The following LOC128462377 variants were observed in gnomAD, a reference collection of about 807,000 sequenced individuals.
At chr16:89,328,152 G>A in the LOC128462377 span, among the ~76,000 whole-genome samples, 6 of 151,962 alleles carry the variant, frequency 3.9e-5, no homozygotes, top group African/African-American at 1.4e-4. Flanking sequence ...GCCGCAATGA[G>A]ATATTACTGC....
the LOC128462377 span, among the ~76,000 whole-genome samples, chr16:89,390,222 G>T: frequency 8.3e-6 from 1 of 120,968 alleles, no homozygotes; most frequent in African/African-American, 3.1e-5. Flanking sequence ...GAGTGTGGCG[G>T]GGAGCACCGA....
the LOC128462377 span, among the ~76,000 whole-genome samples, chr16:89,406,700 G>C: frequency 6.6e-6 from 1 of 152,164 alleles, no homozygotes; most frequent in East Asian, 1.9e-4. Context: ...AGGAAGGACA[G>C]ACTTCTGAAG....
chr16:89,380,844 G>A, the LOC128462377 span, among the ~76,000 whole-genome samples: 9 of 152,296 alleles, frequency 5.9e-5, no homozygotes, highest in East Asian at 1.9e-4. Flanking sequence ...GTGCAGTTCC[G>A]GCCCCAAAGG....
At chr16:89,368,918 C>T in the LOC128462377 span, among the ~76,000 whole-genome samples, 1 of 152,052 alleles carries the variant, frequency 6.6e-6, no homozygotes, top group Admixed American at 6.5e-5. Context: ...AAAAAATGGG[C>T]ACACAGAACA....
the LOC128462377 span, among the ~76,000 whole-genome samples, chr16:89,321,836 C>T: frequency 6.6e-6 from 1 of 152,190 alleles, no homozygotes; most frequent in Admixed American, 6.5e-5. Context: ...TTTCTTCCAC[C>T]TCTGCCTCTC....
the LOC128462377 span, among the ~76,000 whole-genome samples, chr16:89,350,898 C>T: frequency 6.6e-6 from 1 of 152,136 alleles, no homozygotes; most frequent in African/African-American, 2.4e-5. Flanking sequence ...CACTGTGTTA[C>T]GATTTCTTTC....
the LOC128462377 span, among the ~76,000 whole-genome samples, chr16:89,334,611 C>CAGA: frequency 6.6e-6 from 1 of 152,084 alleles, no homozygotes; most frequent in Non-Finnish European, 1.5e-5. Flanking sequence ...GACCCTGACC[C>CAGA]AGAGCAAGCA....
chr16:89,349,114 TAA>T, the LOC128462377 span, among the ~76,000 whole-genome samples: 1 of 22,080 alleles, frequency 4.5e-5, no homozygotes, highest in African/African-American at 2.1e-4. Flanking sequence ...GGGGACAGAG[TAA>T]AACACTGTCT....
the LOC128462377 span, among the ~76,000 whole-genome samples, chr16:89,410,573 G>C: frequency 6.6e-6 from 1 of 152,134 alleles, no homozygotes; most frequent in African/African-American, 2.4e-5. Flanking sequence ...TACTGCTCTG[G>C]TTCTGCCCTC....
chr16:89,368,864 C>T, the LOC128462377 span, among the ~76,000 whole-genome samples: 1 of 152,108 alleles, frequency 6.6e-6, no homozygotes, highest in African/African-American at 2.4e-5. Flanking sequence ...CAAGCCACTG[C>T]ACTCAAATCT....
chr16:89,339,431 G>A, the LOC128462377 span, among the ~76,000 whole-genome samples: 1 of 152,206 alleles, frequency 6.6e-6, no homozygotes, highest in Non-Finnish European at 1.5e-5. Flanking sequence ...ACACAGGTCA[G>A]ATCTGAAAGC....
chr16:89,381,810 C>T, the LOC128462377 span, among the ~76,000 whole-genome samples: 9 of 152,158 alleles, frequency 5.9e-5, no homozygotes, highest in African/African-American at 1.9e-4. Context: ...TGACCCCACG[C>T]GAATGGGGGG....
the LOC128462377 span, among the ~76,000 whole-genome samples, chr16:89,413,106 C>T: frequency 2.0e-5 from 3 of 152,290 alleles, no homozygotes; most frequent in Non-Finnish European, 4.4e-5. Flanking sequence ...GCCACAAGTG[C>T]CCATTTTCAC....
chr16:89,325,113 A>T, the LOC128462377 span: 1 of 153,076 alleles, frequency 6.5e-6, no homozygotes, highest in African/African-American at 2.4e-5. Context: ...CCAAAAGAAA[A>T]GCAGGTGCAC....
the LOC128462377 span, among the ~76,000 whole-genome samples, chr16:89,401,138 G>A: frequency 8.0e-6 from 1 of 125,348 alleles, no homozygotes; most frequent in African/African-American, 3.2e-5. Context: ...CTGCTGCTCA[G>A]GCTGGAGTGC....
chr16:89,415,849 A>AAAAAAAAAAC, the LOC128462377 span, among the ~76,000 whole-genome samples: 1 of 147,542 alleles, frequency 6.8e-6, no homozygotes, highest in East Asian at 2.0e-4. Context: ...AAAAAAAAAA[A>AAAAAAAAAAC]ACAATGGAGA....
the LOC128462377 span, among the ~76,000 whole-genome samples, chr16:89,381,590 C>T: frequency 2.0e-5 from 3 of 152,182 alleles, no homozygotes; most frequent in Admixed American, 2.0e-4. Context: ...TGCGATGATA[C>T]GCTTTCCAAC....
chr16:89,409,646 G>C, the LOC128462377 span, among the ~76,000 whole-genome samples: 1 of 152,090 alleles, frequency 6.6e-6, no homozygotes, highest in African/African-American at 2.4e-5. Flanking sequence ...AGATCCTGTT[G>C]TACCAAAACA....
the LOC128462377 span, among the ~76,000 whole-genome samples, chr16:89,369,202 A>G: frequency 6.6e-6 from 1 of 152,200 alleles, no homozygotes; most frequent in African/African-American, 2.4e-5. Flanking sequence ...AATATGAAAC[A>G]ATAATCTTCA....
Sources: allele counts gnomAD v4.1 joint callset (sites outside exome capture counted in the v4.1 genomes callset), GRCh38; gene constraint gnomAD v4.1.1; transcripts MANE v1.5.